Variants in HCFC1R1 observed in about 807,000 individuals in gnomAD.
The protein encoded by HCFC1R1 is host cell factor C1 regulator 1.
HCFC1R1 carries 17 observed loss-of-function variants against 13.3 expected under a neutral mutation model. The ratio of observed to expected loss-of-function variants is 1.28; its 90% CI spans 0.87 to 1.91. HCFC1R1 has a LOEUF of 1.91. Ranked by LOEUF, HCFC1R1 falls within the 40% of genes most tolerant of loss-of-function variation. The pLI is 0.00. For synonymous variants in HCFC1R1, 87 were observed against 71.1 expected, an observed-to-expected ratio of 1.22 and a Z score of -1.12; for missense variants, 218 against 177.9, an observed-to-expected ratio of 1.23 and a Z score of -1.28.
At chr16:3,023,987 G>T, upstream of HCFC1R1, 1 of 1,381,204 alleles carries the variant, frequency 7.2e-7, no homozygotes, top group Non-Finnish European at 9.9e-7. Context: ...CAGGGGAGGA[G>T]TCTCTGAGGG....
At chr16:3,024,211 C>T (rs2072718092), upstream of HCFC1R1, 4 of 1,350,290 alleles carry the variant, frequency 3.0e-6, no homozygotes, top group South Asian at 4.8e-5. Flanking sequence ...ACGGTACGCA[C>T]CAGCCACCTT....
rs1265911682 is a variant in HCFC1R1, at chr16:3,023,358, C to A, written c.156G>T (p.Glu52Asp). 1 of 1,609,696 alleles carries A rather than the reference C, an allele frequency of 6.2e-7. No homozygotes were observed. Reference sequence around the variant, plus strand: ...CAGACAGAAACTGCTTGCGCAGAGGCTCCCTGGGGAGAGATGGCAGAGAGG... The same window carrying A: ...CAGACAGAAACTGCTTGCGCAGAGGATCCCTGGGGAGAGATGGCAGAGAGG... ...STKRRLEEEQ[E>D]PLRKQFLSEE... Residue 52 changes from glutamate (E) to aspartate (D), a missense_variant, in exon 3 of 4, where the codon GAG becomes GAT. Physicochemically the swap from Glu to Asp is conservative, Grantham distance 45. Transcript: ENST00000248089.
In HCFC1R1 at chr16:3,022,819, T is replaced by G; in HGVS notation, c.*44A>C. On this transcript the variant is annotated 3_prime_UTR_variant, in exon 4 of 4. Transcript: ENST00000248089. ...TTGCGGGAGTCGCTGGTCTCTTCTG[T>G]TGTGGGGAAGAAGGAAGGTGGGAGG... is the stretch of plus-strand genomic sequence containing the variant. The G allele has an allele frequency of 3.8e-5, 55 of 1,433,192 alleles. No homozygotes were observed. The highest frequency in any genetic ancestry group is 3.5e-5 in the Non-Finnish European group (38 of 1,091,654). 88.8% of individuals were successfully genotyped at this position (1,433,192 alleles called of 1,614,324 possible). A position where few individuals can be genotyped will look rare whatever the true frequency, so the allele number is the denominator to read the frequency against.
chr16:3,023,190 C>T (rs374009310), intron 3 of HCFC1R1, 43 bp downstream of exon 3: 229 of 1,527,238 alleles, frequency 1.5e-4, no homozygotes, highest in Admixed American at 3.5e-4. Flanking sequence ...CTGTGAGGAC[C>T]GCCTGTGATT....
At chr16:3,023,383 G>C (rs766574751) in intron 2 of HCFC1R1, 22 bp from the exon 3 acceptor site, 15 of 1,612,490 alleles carry the variant, frequency 9.3e-6, no homozygotes, top group Non-Finnish European at 1.3e-5. Context: ...TGGCAGAGAG[G>C]CAGGCTGGGA....
chr16:3,023,744 G>T, intron 1 of HCFC1R1, 103 bp downstream of exon 1: 2 of 1,093,496 alleles, frequency 1.8e-6, no homozygotes, highest in Non-Finnish European at 2.6e-6. Flanking sequence ...CCTAAGCCCC[G>T]CCGATTCGCC....
Position 3,023,457 on chromosome 16 carries a change from C to A in HCFC1R1, c.152+17G>T. 6.2e-7 allele frequency: 1 copy of A among 1,613,570 alleles called. No homozygotes were observed. Among genetic ancestry groups the A allele is most frequent in the Non-Finnish European group, 8.5e-7 (1 of 1,179,784 alleles). ...ACAGAGATCTTGTTGGGAGTCCCTC[C>A]CTGCCCCCAAACTCACTGCTCCTCC... On this transcript the variant is annotated intron_variant, in intron 2 of 3. Coordinates refer to ENST00000248089, the MANE Select transcript of HCFC1R1 (RefSeq NM_017885.4).
At position 3,023,916 on chromosome 16, in the gene HCFC1R1, C is replaced by T. The variant is rs762463939; in HGVS notation, c.26G>A (p.Arg9Gln). ...GCGCTGGGCCCCTCCCTGGGGGCCTCGCTGCAAGGGCTGCTGCAGGATCAT... is the reference window on the plus strand; with the variant it reads ...GCGCTGGGCCCCTCCCTGGGGGCCTTGCTGCAAGGGCTGCTGCAGGATCAT... MILQQPLQRGPQGGAQRLP... is the reference protein window; with the variant it reads MILQQPLQQGPQGGAQRLP... The change falls in exon 1 of 4, where the codon CGA becomes CAA. Residue 9 changes from arginine (R) to glutamine (Q), a missense_variant. Coordinates refer to ENST00000248089, the MANE Select transcript of HCFC1R1 (RefSeq NM_017885.4). 10 of 1,557,224 alleles carry T rather than the reference C, an allele frequency of 6.4e-6. No homozygotes were observed. The highest frequency in any genetic ancestry group is 4.7e-5 in the South Asian group (4 of 85,080).
rs1459401983 is a variant in HCFC1R1 at position 3,023,378 on chromosome 16, G to A, written c.153-17C>T. The A allele has an allele frequency of 1.2e-6, 2 of 1,612,350 alleles. No homozygotes were observed. The highest frequency in any genetic ancestry group is 1.7e-6 in the Non-Finnish European group (2 of 1,178,864). On this transcript the variant is annotated splice_polypyrimidine_tract_variant and intron_variant, in intron 2 of 3. Coordinates refer to ENST00000248089, the MANE Select transcript of HCFC1R1 (RefSeq NM_017885.4). ...AGAGGCTCCCTGGGGAGAGATGGCA[G>A]AGAGGCAGGCTGGGATACTGACACA... is the stretch of plus-strand genomic sequence containing the variant.
At chr16:3,023,659 TCTCCTG>T in intron 1 of HCFC1R1, 129 bp from the exon 2 acceptor site, 1 of 1,176,268 alleles carries the variant, frequency 8.5e-7, no homozygotes, top group Non-Finnish European at 1.2e-6. Flanking sequence ...CGGTCCCCGC[TCTCCTG>T]GACCATCCAG....
intron 1 of HCFC1R1, 95 bp downstream of exon 1, chr16:3,023,752 G>T: frequency 4.4e-6 from 5 of 1,131,326 alleles, no homozygotes; most frequent in Admixed American, 2.2e-5. Context: ...CCGCCGATTC[G>T]CCCCACCCCG....
chr16:3,024,178 C>T (rs1681335875), upstream of HCFC1R1: 1 of 953,428 alleles, frequency 1.0e-6, no homozygotes, highest in Admixed American at 2.2e-5. Context: ...TCGCGGCGCT[C>T]ACCTCGGCTC....
chr16:3,023,469 C>A lies in HCFC1R1; in HGVS notation c.152+5G>T, dbSNP rs1432639761. On this transcript the variant is annotated splice_donor_5th_base_variant and intron_variant, in intron 2 of 3. Coordinates refer to ENST00000248089, the MANE Select transcript of HCFC1R1 (RefSeq NM_017885.4). ...TTGGGAGTCCCTCCCTGCCCCCAAACTCACTGCTCCTCCTCCAGGCGCCGC... is the reference window on the plus strand; with the variant it reads ...TTGGGAGTCCCTCCCTGCCCCCAAAATCACTGCTCCTCCTCCAGGCGCCGC... The A allele has an allele frequency of 5.0e-6, 8 of 1,613,210 alleles. No individual in the cohort carries two copies. The highest frequency in any genetic ancestry group is 1.7e-5 in the Admixed American group (1 of 59,986).
chr16:3,024,186 C>CT (rs2072716875), upstream of HCFC1R1: 1 of 1,039,794 alleles, frequency 9.6e-7, no homozygotes, highest in Non-Finnish European at 1.4e-6. Flanking sequence ...CTCACCTCGG[C>CT]TCCTAGGGTT....
upstream of HCFC1R1, chr16:3,024,034 C>T (rs114099780): frequency 1.4e-3 from 1,499 of 1,054,754 alleles, 19 homozygotes; most frequent in African/African-American, 0.022. Context: ...TTTAGGCGGG[C>T]ACAGCCGCGA....
In HCFC1R1 at chr16:3,023,460, G is replaced by GC. The variant is rs1375470406; in HGVS notation, c.152+13dup. On this transcript the variant is annotated intron_variant, in intron 2 of 3. Transcript: ENST00000248089. ...GAGATCTTGTTGGGAGTCCCTCCCTGCCCCCAAACTCACTGCTCCTCCTCC... is the reference window on the plus strand; with the variant it reads ...GAGATCTTGTTGGGAGTCCCTCCCTGCCCCCCAAACTCACTGCTCCTCCTCC... 9.9e-6 allele frequency: 16 copies of GC among 1,613,306 alleles called. No individual in the cohort carries two copies. The highest frequency in any genetic ancestry group is 1.4e-5 in the Non-Finnish European group (16 of 1,179,718).
chr16:3,023,212 C>T lies in HCFC1R1; in HGVS notation c.281+21G>A, dbSNP rs753921565. On this transcript the variant is annotated intron_variant, in intron 3 of 3. Transcript: ENST00000248089. ...GACCGCCTGTGATTCTGCAGAAGGCCTGGCCAGTGGAGGAACCTACCTGAG... is the reference window on the plus strand; with the variant it reads ...GACCGCCTGTGATTCTGCAGAAGGCTTGGCCAGTGGAGGAACCTACCTGAG... The T allele has an allele frequency of 7.1e-6, 11 of 1,541,232 alleles. No individual in the cohort carries two copies. The Admixed American group carries it at 1.9e-4, about 26-fold the overall frequency.
At chr16:3,023,143 G>A (rs2072656946) in intron 3 of HCFC1R1, 90 bp downstream of exon 3, 1 of 1,499,160 alleles carries the variant, frequency 6.7e-7, no homozygotes. Flanking sequence ...GTCAGCTAGA[G>A]CTAAAAATGG....
upstream of HCFC1R1, chr16:3,024,231 G>A: frequency 2.6e-6 from 4 of 1,522,566 alleles, no homozygotes; most frequent in Non-Finnish European, 2.7e-6. Flanking sequence ...TCGCGCCGAA[G>A]GCGGTAGGGC....
Sources: gnomAD v4.1 joint callset for allele counts on GRCh38, gnomAD v4.1.1 for gene constraint, MANE v1.5 for transcripts, NCBI Gene and HGNC (gene_info 2026-07-23, HGNC 2026-07-21) for gene names.